Variants in NBEA observed in about 807,000 individuals in gnomAD.
NBEA encodes the protein lysosomal-trafficking regulator 2.
Under a neutral mutation model 343.4 loss-of-function variants are expected in NBEA, and 44 were observed. The ratio of observed to expected loss-of-function variants is 0.13; its 90% confidence interval spans 0.10 to 0.16. The LOEUF (loss-of-function observed/expected upper bound fraction) is 0.16, where lower values mean the gene tolerates loss of function less well. Ranked by LOEUF, NBEA falls within the 10% of genes least tolerant of loss-of-function variation. NBEA has a pLI of 1.00. For synonymous variants in NBEA, 1,175 were observed against 1,238.7 expected (o/e 0.95, Z 1.08); for missense variants, 2,555 against 3,631.3 (o/e 0.70, Z 7.62).
chr13:35,578,982 C>T (rs1247937989), intron 45 of NBEA, among the ~76,000 whole-genome samples: 5 of 150,870 alleles, frequency 3.3e-5, no homozygotes, highest in Admixed American at 2.0e-4. Context: ...GTGTTAAGTA[C>T]GTATGTGTGG....
intron 6 of NBEA, among the ~76,000 whole-genome samples, chr13:35,050,660 T>G (rs1566211014): frequency 1.3e-5 from 2 of 152,046 alleles, no homozygotes; most frequent in Non-Finnish European, 2.9e-5. Flanking sequence ...CAATAGATAC[T>G]TATTATCTAC....
At chr13:35,668,325 T>C in intron 57 of NBEA, 43 bp from the exon 58 acceptor site, 2 of 1,533,596 alleles carry the variant, frequency 1.3e-6, no homozygotes, top group Non-Finnish European at 1.8e-6. Context: ...GTATTTTATT[T>C]TATTTTGTTT....
chr13:35,667,457 A>G lies in NBEA; in HGVS notation c.8548A>G (p.Ile2850Val). ...GPENCLFPRLISVSSEGHCII... is the reference protein window; with the variant it reads ...GPENCLFPRLVSVSSEGHCII... ...AGAAAACTGCTTATTCCCACGCTTG[A>G]TATCTGTCTCCAGCGAAGGCCACTG... is the stretch of plus-strand genomic sequence containing the variant. Residue 2850 changes from isoleucine (I) to valine (V), a missense_variant, in exon 57 of 59, where the codon ATA becomes GTA. This residue lies in a region of NBEA where 186 missense variants were observed against 328.9 expected (regional missense o/e 0.57). Coordinates refer to ENST00000379939, the MANE Select transcript of NBEA (RefSeq NM_001385012.1). The G allele has an allele frequency of 1.2e-6, 2 of 1,613,984 alleles. No individual in the cohort carries two copies. The highest frequency in any genetic ancestry group is 1.7e-6 in the Non-Finnish European group (2 of 1,179,878).
intron 33 of NBEA, among the ~76,000 whole-genome samples, chr13:35,215,088 G>T (rs2073993382): frequency 6.6e-6 from 1 of 151,472 alleles, no homozygotes; most frequent in African/African-American, 2.4e-5. Flanking sequence ...TGTAATGTAA[G>T]TCCTGTAACT....
chr13:35,151,662 A>T (rs1164775385), intron 18 of NBEA, among the ~76,000 whole-genome samples: 2 of 152,142 alleles, frequency 1.3e-5, no homozygotes, highest in Non-Finnish European at 1.5e-5. Flanking sequence ...AACCAAAAAA[A>T]ATTAATAAAT....
chr13:35,339,934 A>G (rs184307912), intron 36 of NBEA, among the ~76,000 whole-genome samples: 9 of 152,254 alleles, frequency 5.9e-5, no homozygotes, highest in Admixed American at 1.3e-4. Flanking sequence ...GTGTGAACAC[A>G]GATCCAAACC....
chr13:35,566,075 C>T (rs1312805038), intron 44 of NBEA, among the ~76,000 whole-genome samples: 2 of 151,982 alleles, frequency 1.3e-5, no homozygotes, highest in Non-Finnish European at 2.9e-5. Context: ...AATAGAATAC[C>T]ATCACAGCCA....
At chr13:35,066,823 T>G (rs966930557) in intron 8 of NBEA, among the ~76,000 whole-genome samples, 8 of 152,062 alleles carry the variant, frequency 5.3e-5, no homozygotes, top group African/African-American at 1.9e-4. Flanking sequence ...TTGTTAGCTA[T>G]GTGTCTCATG....
intron 38 of NBEA, among the ~76,000 whole-genome samples, chr13:35,407,985 A>T (rs1290387504): frequency 1.3e-5 from 2 of 152,176 alleles, no homozygotes; most frequent in Non-Finnish European, 2.9e-5. Flanking sequence ...TACCATTGAG[A>T]TTCTTCACAG....
At chr13:35,303,435 G>T (rs1277227322) in intron 35 of NBEA, among the ~76,000 whole-genome samples, 1 of 151,962 alleles carries the variant, frequency 6.6e-6, no homozygotes, top group Non-Finnish European at 1.5e-5. Flanking sequence ...AATTATATTA[G>T]AATTTAAAAC....
At chr13:35,287,286 G>T (rs2035489224) in intron 34 of NBEA, among the ~76,000 whole-genome samples, 1 of 151,880 alleles carries the variant, frequency 6.6e-6, no homozygotes, top group African/African-American at 2.4e-5. Context: ...CTATATTTTT[G>T]TTGGGGAGGC....
chr13:35,431,735 G>A (rs115741076), intron 38 of NBEA, among the ~76,000 whole-genome samples: 196 of 152,156 alleles, frequency 1.3e-3, no homozygotes, highest in African/African-American at 4.5e-3. Context: ...TGTGGGCAGC[G>A]GGGAATTATT....
intron 1 of NBEA, among the ~76,000 whole-genome samples, chr13:35,028,792 A>C (rs1028150853): frequency 2.0e-5 from 3 of 148,868 alleles, no homozygotes; most frequent in African/African-American, 7.4e-5. Flanking sequence ...CCCCTTCCTC[A>C]TCTTTGGTAA....
chr13:35,356,504 A>G (rs1243730673), intron 38 of NBEA, among the ~76,000 whole-genome samples: 5 of 152,166 alleles, frequency 3.3e-5, no homozygotes, highest in Non-Finnish European at 7.3e-5. Flanking sequence ...CAAGAAAAAT[A>G]TGTGGCCATA....
chr13:35,411,081 CT>C (rs1399499458), intron 38 of NBEA, among the ~76,000 whole-genome samples: 1 of 152,110 alleles, frequency 6.6e-6, no homozygotes, highest in Admixed American at 6.6e-5. Flanking sequence ...GACTGGACCA[CT>C]TCTACCTCTT....
At chr13:35,376,574 C>G (rs1182453700) in intron 38 of NBEA, among the ~76,000 whole-genome samples, 1 of 152,096 alleles carries the variant, frequency 6.6e-6, no homozygotes, top group Non-Finnish European at 1.5e-5. Context: ...TCTTTTGCTT[C>G]TTTTCATTCG....
intron 49 of NBEA, among the ~76,000 whole-genome samples, chr13:35,643,160 C>A (rs1309050476): frequency 1.3e-5 from 2 of 151,392 alleles, no homozygotes; most frequent in Non-Finnish European, 2.9e-5. Context: ...AAAACCTTTT[C>A]ATGCTGTGGA....
At chr13:35,532,111 T>C (rs1339843591) in intron 41 of NBEA, among the ~76,000 whole-genome samples, 1 of 152,234 alleles carries the variant, frequency 6.6e-6, no homozygotes. Context: ...CTTTCTTTTT[T>C]AATGCTGCTT....
chr13:35,048,298 A>C (rs2062936779), intron 4 of NBEA, among the ~76,000 whole-genome samples: 1 of 152,098 alleles, frequency 6.6e-6, no homozygotes, highest in African/African-American at 2.4e-5. Context: ...TTCTTGGAGT[A>C]TAGTCTGAAA....
Sources: gnomAD v4.1 joint callset for allele counts (sites outside exome capture counted in the v4.1 genomes callset) on GRCh38, gnomAD v4.1.1 for gene constraint, gnomAD v4.1.1 regional missense constraint, MANE v1.5 for transcripts, NCBI Gene and HGNC (gene_info 2026-07-23, HGNC 2026-07-21) for gene names.